The following SLC11A2 variants were observed in gnomAD, a reference collection of about 807,000 sequenced individuals.
SLC11A2 encodes natural resistance-associated macrophage protein 2.
A neutral mutation model predicts 68.0 loss-of-function variants in SLC11A2; 38 were observed. That is an observed-to-expected ratio of 0.56 (90% CI 0.43 to 0.73). SLC11A2 has a LOEUF of 0.73. Ranked by LOEUF, SLC11A2 falls within the 30% of genes least tolerant of loss-of-function variation. The pLI, the probability that SLC11A2 is intolerant of heterozygous loss-of-function variation, is 0.00. For synonymous variants in SLC11A2, 242 were observed against 250.6 expected (o/e 0.97, Z 0.32); for missense variants, 517 against 690.5 (o/e 0.75, Z 2.82).
chr12:50,986,472 A>G lies in SLC11A2; in HGVS notation c.*1853T>C. ...ATATAACTTTTAAAAGAATACTAGCAGCTTTTACCTAGGCTCCTAAATGCT... is the reference window on the plus strand; with the variant it reads ...ATATAACTTTTAAAAGAATACTAGCGGCTTTTACCTAGGCTCCTAAATGCT... On this transcript the variant is annotated 3_prime_UTR_variant, in exon 16 of 16. Transcript: ENST00000262052. The G allele has an allele frequency of 7.8e-7, 1 of 1,286,096 alleles. No homozygotes were observed. Among genetic ancestry groups the G allele is most frequent in the Middle Eastern group, 3.3e-4 (1 of 3,060 alleles). The allele number at this position is 1,286,096 out of a possible 1,614,324, so 79.7% of individuals were successfully genotyped here. A position where few individuals can be genotyped will look rare whatever the true frequency, so the allele number is the denominator to read the frequency against.
At chr12:51,026,268 G>C in intron 1 of SLC11A2, 42 bp downstream of exon 1, 1 of 1,212,284 alleles carries the variant, frequency 8.2e-7, no homozygotes, top group Non-Finnish European at 1.1e-6. Context: ...CTCCCTGCCA[G>C]CGAGCGGAAT....
At position 50,992,227 on chromosome 12, in the gene SLC11A2, C is replaced by T. The variant is rs749571502; in HGVS notation, c.1310G>A (p.Gly437Glu). The change falls in exon 13 of 16, where the codon GGG becomes GAG. Residue 437 changes from glycine to glutamate, a missense_variant. Physicochemically the swap from Gly to Glu is moderately conservative, Grantham distance 98. Coordinates refer to ENST00000262052, the MANE Select transcript of SLC11A2 (RefSeq NM_000617.3). ...AVFQDVEHLTGMNDFLNVLQS... is the reference protein window; with the variant it reads ...AVFQDVEHLTEMNDFLNVLQS... ...TAGAACATTCAGAAAGTCATTCATC[C>T]CTGTTAGATGCTCTACATCTTGGAA... 26 of 1,614,018 alleles carry T rather than the reference C, an allele frequency of 1.6e-5. No individual in the cohort carries two copies. The highest frequency in any genetic ancestry group is 2.2e-5 in the Non-Finnish European group (26 of 1,179,966).
At chr12:50,983,854 G>A (rs1213185282), downstream of SLC11A2, among the ~76,000 whole-genome samples, 1 of 152,056 alleles carries the variant, frequency 6.6e-6, no homozygotes, top group Non-Finnish European at 1.5e-5. Flanking sequence ...TGTAGTCCCA[G>A]TTACTTGGGA....
Position 51,000,305 on chromosome 12 carries a change from C to T in SLC11A2, c.536+8G>A, listed in dbSNP as rs1316547225. On this transcript the variant is annotated splice_region_variant and intron_variant, in intron 6 of 15. Coordinates refer to ENST00000262052, the MANE Select transcript of SLC11A2 (RefSeq NM_000617.3). ...ACACTGATGACTTTCTAGAGGAAAACCCCTCACCTTCCTACAGACAGAAGA... is the reference window on the plus strand; with the variant it reads ...ACACTGATGACTTTCTAGAGGAAAATCCCTCACCTTCCTACAGACAGAAGA... 7.5e-6 allele frequency: 12 copies of T among 1,589,546 alleles called. No homozygotes were observed. The highest frequency in any genetic ancestry group is 1.0e-5 in the Non-Finnish European group (12 of 1,157,530).
chr12:50,963,683 A>G, the SLC11A2 span, among the ~76,000 whole-genome samples: 1 of 152,198 alleles, frequency 6.6e-6, no homozygotes, highest in Admixed American at 6.5e-5. Flanking sequence ...CAGAGAAGCA[A>G]AACTGTACCG....
In SLC11A2 at chr12:51,000,994, G is replaced by A. The variant is rs11169659; in HGVS notation, c.430-575C>T. ...AGCCTGGCCAACATGGCGAAACCCC[G>A]TCTCTACTAAAAATACAAAAATTAG... On this transcript the variant is annotated intron_variant, in intron 5 of 15. Coordinates refer to ENST00000262052, the MANE Select transcript of SLC11A2 (RefSeq NM_000617.3). Among the ~76,000 whole-genome samples, 120 of 151,398 alleles carry A rather than the reference G, an allele frequency of 7.9e-4. No homozygotes were observed. The East Asian group carries it at 0.016, about 20-fold the overall frequency.
At position 50,986,870 on chromosome 12, in the gene SLC11A2, A is replaced by G. The variant is rs1940624344; in HGVS notation, c.*1455T>C. ...TTTTGACTGTGTGCAAGTATCAGTA[A>G]TAATGCTTTTGGGGGCTCAGATGAA... On this transcript the variant is annotated 3_prime_UTR_variant, in exon 16 of 16. Coordinates refer to ENST00000262052, the MANE Select transcript of SLC11A2 (RefSeq NM_000617.3). 3.1e-6 allele frequency: 4 copies of G among 1,287,106 alleles called. No homozygotes were observed. The highest frequency in any genetic ancestry group is 1.5e-5 in the African/African-American group (1 of 65,780). 79.7% of individuals were successfully genotyped at this position (1,287,106 alleles called of 1,614,324 possible). A position where few individuals can be genotyped will look rare whatever the true frequency, so the allele number is the denominator to read the frequency against.
the SLC11A2 span, among the ~76,000 whole-genome samples, chr12:50,962,952 C>T: frequency 3.3e-5 from 5 of 152,084 alleles, no homozygotes; most frequent in African/African-American, 4.8e-5. Context: ...AGAAAAGCAA[C>T]ACTACTAGTA....
downstream of SLC11A2, among the ~76,000 whole-genome samples, chr12:50,982,947 A>AC (rs541978199): frequency 6.7e-4 from 101 of 151,686 alleles, no homozygotes; most frequent in Middle Eastern, 3.4e-3. Flanking sequence ...TCAAAAAAAA[A>AC]AAAAAAAAAA....
intron 1 of SLC11A2, among the ~76,000 whole-genome samples, chr12:51,016,005 G>C (rs1452945441): frequency 6.6e-6 from 1 of 151,556 alleles, no homozygotes; most frequent in Non-Finnish European, 1.5e-5. Flanking sequence ...GGATGGTCTC[G>C]ATCTCCTGAC....
At position 51,014,898 on chromosome 12, in the gene SLC11A2, C is replaced by T. The variant is rs534272751; in HGVS notation, c.-38-4132G>A. On this transcript the variant is annotated intron_variant, in intron 1 of 15. Transcript: ENST00000262052. The stretch of plus-strand genomic sequence containing the variant: ...AAAAGAGGTCAGGCGTGGTGGCTCA[C>T]GCCTGTAATCTCATCACTTCGGGAG... 7.9e-5 allele frequency among the ~76,000 whole-genome samples: 12 copies of T among 152,000 alleles called. No homozygotes were observed. The East Asian group carries it at 2.1e-3, about 27-fold the overall frequency.
the SLC11A2 span, among the ~76,000 whole-genome samples, chr12:50,963,369 C>CAAAA: frequency 2.7e-3 from 194 of 72,344 alleles, no homozygotes; most frequent in African/African-American, 3.8e-3. Context: ...GACTCCATCT[C>CAAAA]AAAAAAAAAA....
chr12:51,018,812 G>A (rs1046841517), intron 1 of SLC11A2, among the ~76,000 whole-genome samples: 18 of 152,166 alleles, frequency 1.2e-4, no homozygotes, highest in Admixed American at 3.9e-4. Flanking sequence ...GAAATAATTC[G>A]TTTTCATATA....
intron 6 of SLC11A2, 112 bp from the exon 7 acceptor site, chr12:50,999,527 T>C (rs1942023506): frequency 3.4e-6 from 3 of 891,616 alleles, no homozygotes; most frequent in South Asian, 2.7e-5. Flanking sequence ...AAGCTAGGAC[T>C]TGAGGGAGGA....
chr12:51,017,431 C>A (rs1052724083), intron 1 of SLC11A2, among the ~76,000 whole-genome samples: 1 of 152,122 alleles, frequency 6.6e-6, no homozygotes, highest in African/African-American at 2.4e-5. Context: ...AGAAAACACA[C>A]ACGTACACGT....
chr12:50,960,036 T>G, the SLC11A2 span, among the ~76,000 whole-genome samples: 1 of 152,226 alleles, frequency 6.6e-6, no homozygotes, highest in African/African-American at 2.4e-5. Context: ...TCCTATTTAG[T>G]TGATGAGTTC....
rs1282739125 is a variant in SLC11A2 at position 50,987,724 on chromosome 12, C to T, written c.*601G>A. The T allele has an allele frequency of 1.6e-6, 2 of 1,286,970 alleles. No individual in the cohort carries two copies. The highest frequency in any genetic ancestry group is 3.0e-5 in the African/African-American group (2 of 65,768). The allele number at this position is 1,286,970 out of a possible 1,614,324, so 79.7% of individuals were successfully genotyped here. On this transcript the variant is annotated 3_prime_UTR_variant, in exon 16 of 16. Coordinates refer to ENST00000262052, the MANE Select transcript of SLC11A2 (RefSeq NM_000617.3). ...TTTTCCCCTTCTTTGTTTTCTCACC[C>T]CTCTTAACTTCCACTGAGAAATTAA...
downstream of SLC11A2, among the ~76,000 whole-genome samples, chr12:50,982,289 A>G (rs1410948191): frequency 6.6e-6 from 1 of 152,210 alleles, no homozygotes; most frequent in Admixed American, 6.5e-5. Context: ...GTGGGTCCCA[A>G]ATGTTTGTCA....
chr12:51,002,510 G>A (rs1019409328), intron 5 of SLC11A2, among the ~76,000 whole-genome samples: 15 of 151,458 alleles, frequency 9.9e-5, no homozygotes, highest in South Asian at 2.1e-4. Context: ...GTGGTGGTGC[G>A]CACCTGTAAT....
Sources: gnomAD v4.1 joint callset for allele counts (sites outside exome capture counted in the v4.1 genomes callset) on GRCh38, gnomAD v4.1.1 for gene constraint, MANE v1.5 for transcripts, NCBI Gene and HGNC (gene_info 2026-07-23, HGNC 2026-07-21) for gene names.